ZNF43: variants seen among roughly 807,000 people sequenced by gnomAD.
ZNF43 encodes the protein zinc finger protein 43, also known as zinc finger protein 39-like 1 (KOX 27).
A neutral mutation model predicts 68.4 loss-of-function variants in ZNF43; 44 were observed. The ratio of observed to expected loss-of-function variants is 0.64; its 90% CI spans 0.51 to 0.83. The LOEUF is 0.83. ZNF43 is among the 40% of genes least tolerant of loss of function. The pLI is 0.00. For synonymous variants in ZNF43, 308 were observed against 307.8 expected (o/e 1.00, Z -0.01); for missense variants, 896 against 933.2 (o/e 0.96, Z 0.52).
chr19:21,848,209 T>C (rs997124031), intron 1 of ZNF43, among the ~76,000 whole-genome samples: 1 of 152,134 alleles, frequency 6.6e-6, no homozygotes, highest in Non-Finnish European at 1.5e-5. Context: ...AGTGGTGTCA[T>C]GTCGGCTCAC....
At chr19:21,824,829 T>A (rs1167769008) in intron 1 of ZNF43, among the ~76,000 whole-genome samples, 1 of 151,912 alleles carries the variant, frequency 6.6e-6, no homozygotes, top group Non-Finnish European at 1.5e-5. Flanking sequence ...TTGAGGATTA[T>A]AACCTGGGAG....
In ZNF43 at chr19:21,808,705, A is replaced by T. The variant is rs757469499; in HGVS notation, c.1332T>A (p.His444Gln). Residue 444 changes from histidine to glutamine, a missense_variant, in exon 4 of 4, where the codon CAT (histidine) becomes CAA (glutamine). Physicochemically the swap from His to Gln is conservative, Grantham distance 24 (BLOSUM62 0). Transcript: ENST00000354959. ...AFNWPSTLTK[H>Q]NRIHTGEKPY... is the part of the protein sequence containing the mutation. ...GTTTCTCTCCAGTATGAATTCTGTT[A>T]TGTTTAGTAAGGGTTGAGGGCCAGT... The T allele has an allele frequency of 3.0e-5, 48 of 1,612,550 alleles. No homozygotes were observed. Among genetic ancestry groups the T allele is most frequent in the Non-Finnish European group, 4.0e-5 (47 of 1,179,788 alleles).
chr19:21,850,068 C>T (rs1034832457), intron 1 of ZNF43: 2 of 152,176 alleles, frequency 1.3e-5, no homozygotes, highest in Admixed American at 6.5e-5. Context: ...AGGACACAGG[C>T]AGCAGAGTCA....
chr19:21,809,347 G>A lies in ZNF43; in HGVS notation c.690C>T (p.Tyr230=). Residue 230 remains tyrosine, a synonymous_variant, in exon 4 of 4, where the codon TAC becomes TAT. Coordinates refer to ENST00000354959, the MANE Select transcript of ZNF43 (RefSeq NM_003423.4). The part of the protein sequence containing the change: ...HKRINTGEKP[Y]TCEECGKVFN... ...AGACTTTGCCACATTCTTCACATGT[G>A]TAGGGTTTCTCTCCAGTATTAATTC... is the stretch of plus-strand genomic sequence containing the variant. The A allele has an allele frequency of 6.2e-7, 1 of 1,613,808 alleles. No individual in the cohort carries two copies. Among genetic ancestry groups the A allele is most frequent in the Non-Finnish European group, 8.5e-7 (1 of 1,179,894 alleles).
intron 2 of ZNF43, among the ~76,000 whole-genome samples, chr19:21,818,459 T>C (rs939805869): frequency 6.6e-5 from 10 of 152,060 alleles, no homozygotes; most frequent in African/African-American, 2.4e-4. Context: ...CTCACTCTGT[T>C]GCCCAGTCTG....
intron 1 of ZNF43, among the ~76,000 whole-genome samples, chr19:21,821,149 T>A (rs1160029189): frequency 6.7e-6 from 1 of 148,876 alleles, no homozygotes; most frequent in Non-Finnish European, 1.5e-5. Context: ...TTTTTTTTTT[T>A]TTTTTTTTTT....
In ZNF43 at chr19:21,808,375, G is replaced by C; in HGVS notation, c.1662C>G (p.Thr554=). 1 of 1,501,608 alleles carries C rather than the reference G, an allele frequency of 6.7e-7. No homozygotes were observed. Among genetic ancestry groups the C allele is most frequent in the Non-Finnish European group, 8.9e-7 (1 of 1,122,980 alleles). The allele number at this position is 1,501,608 out of a possible 1,614,324, so 93.0% of individuals were successfully genotyped here. The change falls in exon 4 of 4, where the codon ACC becomes ACG. Residue 554 remains threonine (T), a synonymous_variant. Coordinates refer to ENST00000354959, the MANE Select transcript of ZNF43 (RefSeq NM_003423.4). ...GKAFNHFSIL[T]KHKRIHTGEK... ...CTCCAGTATGAATCCTCTTATGTTT[G>C]GTAAGGATTGAGAAATGGTTAAAAG...
In ZNF43 at chr19:21,805,928, TG is replaced by T. The variant is rs376360385; in HGVS notation, c.*1678del. ...TAATAATGCTTCATTGAATGTACAA[TG>T]GTCTTAACACATTTTTTTAAAAGTT... On this transcript the variant is annotated 3_prime_UTR_variant, in exon 4 of 4. Coordinates refer to ENST00000354959, the MANE Select transcript of ZNF43 (RefSeq NM_003423.4). 2.0e-3 allele frequency: 303 copies of T among 151,258 alleles called. No individual in the cohort carries two copies. The highest frequency in any genetic ancestry group is 7.0e-3 in the African/African-American group (284 of 40,570). The allele number at this position is 151,258 out of a possible 1,614,324, so 9.4% of individuals were successfully genotyped here.
At chr19:21,827,243 T>C (rs575701325) in intron 1 of ZNF43, 6 of 152,328 alleles carry the variant, frequency 3.9e-5, no homozygotes, top group African/African-American at 1.2e-4. Context: ...GGGAGTTCCA[T>C]ATTGGAATAC....
intron 1 of ZNF43, among the ~76,000 whole-genome samples, chr19:21,832,301 T>C (rs1418443983): frequency 1.3e-5 from 2 of 152,152 alleles, no homozygotes; most frequent in African/African-American, 4.8e-5. Flanking sequence ...ATTTAATAAA[T>C]TTGCTAAAAT....
In ZNF43 at chr19:21,808,249, A is replaced by C. The variant is rs1451323679; in HGVS notation, c.1788T>G (p.Cys596Trp). 1.2e-6 allele frequency: 2 copies of C among 1,613,576 alleles called. No individual in the cohort carries two copies. The highest frequency in any genetic ancestry group is 1.7e-6 in the Non-Finnish European group (2 of 1,179,838). ...GGGTAAAAGCTTTGCCACATTCTTC[A>C]CATTTGTAGAATTTCTCTCCAGTAT... Reference protein sequence around the residue: ...KIHTGEKFYKCEECGKAFTQS... With the variant: ...KIHTGEKFYKWEECGKAFTQS... The change falls in exon 4 of 4, where the codon TGT (cysteine) becomes TGG (tryptophan). Residue 596 changes from cysteine (C) to tryptophan (W), a missense_variant. Transcript: ENST00000354959.
At chr19:21,838,085 G>A (rs933551188), upstream of ZNF43, 1 of 152,156 alleles carries the variant, frequency 6.6e-6, no homozygotes, top group Non-Finnish European at 1.5e-5. Context: ...TTTGTCTCAG[G>A]CGAGGCTCAG....
intron 3 of ZNF43, chr19:21,811,969 G>A (rs1031213867): frequency 1.3e-5 from 5 of 397,396 alleles, no homozygotes; most frequent in Non-Finnish European, 2.2e-5. Flanking sequence ...TGCATGAACA[G>A]CAAAGAAAAG....
intron 1 of ZNF43, among the ~76,000 whole-genome samples, chr19:21,844,050 T>C (rs531827287): frequency 6.6e-6 from 1 of 152,234 alleles, no homozygotes; most frequent in Non-Finnish European, 1.5e-5. Context: ...GAGGGCTTTA[T>C]ACAATATACA....
chr19:21,818,006 A>C lies in ZNF43; in HGVS notation c.131-20T>G. 11 of 1,600,920 alleles carry C rather than the reference A, an allele frequency of 6.9e-6. No homozygotes were observed. The highest frequency in any genetic ancestry group is 9.4e-6 in the Non-Finnish European group (11 of 1,169,390). ...CAATACCTGTTTCAATAAAAAATAA[A>C]TTACGTGAATCTTGCTCATATTCTC... On this transcript the variant is annotated intron_variant, in intron 2 of 3. Coordinates refer to ENST00000354959, the MANE Select transcript of ZNF43 (RefSeq NM_003423.4).
In ZNF43 at chr19:21,809,501, C is replaced by A; in HGVS notation, c.536G>T (p.Cys179Phe). 1 of 1,613,566 alleles carries A rather than the reference C, an allele frequency of 6.2e-7. No individual in the cohort carries two copies. The highest frequency in any genetic ancestry group is 8.5e-7 in the Non-Finnish European group (1 of 1,179,720). The change falls in exon 4 of 4, where the codon TGT becomes TTT. Residue 179 changes from cysteine (C) to phenylalanine (F), a missense_variant. Transcript: ENST00000354959. The stretch of plus-strand genomic sequence containing the variant: ...TGGAAGCATGCAAAATGATTTGCCA[C>A]ATTCTTTGCATTTGAAAAGTTTTTT... ...TEKKLFKCKECGKSFCMLPHL... is the reference protein window; with the variant it reads ...TEKKLFKCKEFGKSFCMLPHL...
upstream of ZNF43, chr19:21,840,010 TAGAAAG>T (rs1397655790): frequency 6.6e-6 from 1 of 151,624 alleles, no homozygotes; most frequent in Non-Finnish European, 1.5e-5. Context: ...AGCAACCTGG[TAGAAAG>T]AGAGTCACAT....
rs1474165706 is a variant in ZNF43 at position 21,805,476 on chromosome 19, C to T, written c.*2131G>A. The T allele has an allele frequency of 2.0e-5, 3 of 148,540 alleles. No homozygotes were observed. The highest frequency in any genetic ancestry group is 4.5e-5 in the Non-Finnish European group (3 of 67,204). The allele number at this position is 148,540 out of a possible 1,614,324, so 9.2% of individuals were successfully genotyped here. On this transcript the variant is annotated 3_prime_UTR_variant, in exon 4 of 4. Transcript: ENST00000354959. ...GAGACTCCATCTCCAAAAAAAAACC[C>T]AAACAAGTAGTGGGCGCCTGTGGTC... is the stretch of plus-strand genomic sequence containing the variant.
intron 1 of ZNF43, among the ~76,000 whole-genome samples, chr19:21,829,032 CAAAAAAAAAAAAAAAAA>C (rs551226809): frequency 7.7e-5 from 3 of 38,810 alleles, no homozygotes; most frequent in Non-Finnish European, 9.2e-5. Context: ...GACTCTGTCT[CAAAAAAAAAAAAAAAAA>C]AAAAAAAAAA....
Sources: gnomAD v4.1 joint callset for allele counts (sites outside exome capture counted in the v4.1 genomes callset) on GRCh38, gnomAD v4.1.1 for gene constraint, MANE v1.5 for transcripts, NCBI Gene and HGNC (gene_info 2026-07-23, HGNC 2026-07-21) for gene names.